The following L3MBTL1 variants were observed in gnomAD, a reference collection of about 807,000 sequenced individuals.
The protein encoded by L3MBTL1 is lethal(3)malignant brain tumor-like protein 1.
L3MBTL1 carries 75 observed loss-of-function variants against 105.3 expected under a neutral mutation model. That is an observed-to-expected ratio of 0.71 (90% CI 0.59 to 0.86). The LOEUF (loss-of-function observed/expected upper bound fraction) is 0.86. L3MBTL1 is among the 40% of genes least tolerant of loss of function. The pLI is 0.00. For synonymous variants in L3MBTL1, 452 were observed against 436.2 expected (o/e 1.04, Z -0.45); for missense variants, 1,069 against 1,126.4 (o/e 0.95, Z 0.73).
In L3MBTL1 at chr20:43,515,027, C is replaced by A. The variant is rs1479375736; in HGVS notation, c.521C>A (p.Pro174His). ...CCCGCAGAGGACCACCCCCAGAATC[C>A]TCCAGAAGATCCCAATCAGGACCCC... is the stretch of plus-strand genomic sequence containing the variant. ...PQQAEDHPQN[P>H]PEDPNQDPPE... The change falls in exon 5 of 22, where the codon CCT becomes CAT. Residue 174 changes from proline (P) to histidine (H), a missense_variant. Pro to His is a moderately conservative substitution (Grantham distance 77). Transcript: ENST00000418998. The A allele has an allele frequency of 6.2e-7, 1 of 1,614,010 alleles. No homozygotes were observed.
At chr20:43,528,778 T>C in intron 8 of L3MBTL1, 33 bp downstream of exon 8, 1 of 1,535,928 alleles carries the variant, frequency 6.5e-7, no homozygotes, top group Non-Finnish European at 9.0e-7. Flanking sequence ...AGGAACAGCT[T>C]GTCTTCCTAG....
chr20:43,541,962 G>A (rs2019937708), downstream of L3MBTL1: 1 of 959,930 alleles, frequency 1.0e-6, no homozygotes, highest in Non-Finnish European at 1.2e-6. Flanking sequence ...TGTAATCTCA[G>A]GACTTCGGGA....
intron 18 of L3MBTL1, among the ~76,000 whole-genome samples, chr20:43,547,884 C>A (rs1978724766): frequency 6.6e-6 from 1 of 152,208 alleles, no homozygotes; most frequent in African/African-American, 2.4e-5. Context: ...GGCTGTCTTT[C>A]TTTCCTTCTC....
chr20:43,530,206 T>C, intron 9 of L3MBTL1, 78 bp from the exon 10 acceptor site: 2 of 1,580,690 alleles, frequency 1.3e-6, no homozygotes, highest in Non-Finnish European at 1.7e-6. Flanking sequence ...ACCACCAGAC[T>C]GGGCCAGGAG....
chr20:43,529,847 G>C (rs1241858516), intron 9 of L3MBTL1, among the ~76,000 whole-genome samples: 2 of 152,216 alleles, frequency 1.3e-5, no homozygotes, highest in African/African-American at 4.8e-5. Flanking sequence ...GGCAGAAGGA[G>C]CAAAGTGGGC....
At chr20:43,532,172 T>C in intron 11 of L3MBTL1, 1 of 152,510 alleles carries the variant, frequency 6.6e-6, no homozygotes, top group Non-Finnish European at 1.5e-5. Flanking sequence ...AGGTGACAGG[T>C]GGGGTCCTGC....
intron 10 of L3MBTL1, 58 bp from the exon 11 acceptor site, chr20:43,530,740 C>T: frequency 6.7e-7 from 1 of 1,490,230 alleles, no homozygotes. Context: ...CTGTGGGGTG[C>T]CCTTGCTGTG....
At position 43,530,397 on chromosome 20, in the gene L3MBTL1, C is replaced by T. The variant is rs774694763; in HGVS notation, c.1170C>T (p.Gly390=). The T allele has an allele frequency of 6.2e-6, 10 of 1,614,010 alleles. No homozygotes were observed. In the African/African-American group the frequency reaches 1.1e-4, roughly 17 times the overall value. The change falls in exon 10 of 22, where the codon GGC becomes GGT. Residue 390 remains glycine (G), a synonymous_variant. Transcript: ENST00000418998. ...IHPAGWFEKT[G]HKLQPPKGYK... is the part of the protein sequence containing the mutation. ...CTGCTGGCTGGTTCGAGAAGACGGG[C>T]CACAAGCTGCAGCCTCCCAAAGGTA...
intron 18 of L3MBTL1, among the ~76,000 whole-genome samples, chr20:43,547,639 G>T (rs1393199489): frequency 6.6e-6 from 1 of 152,074 alleles, no homozygotes; most frequent in East Asian, 1.9e-4. Context: ...TAGTTCCTAG[G>T]TGATACTATG....
chr20:43,549,246 A>G (rs1474745276), exon 19 of L3MBTL1: 2 of 152,338 alleles, frequency 1.3e-5, no homozygotes, highest in African/African-American at 2.4e-5. Context: ...GGTATTGCCC[A>G]TGGGGTGATG....
At chr20:43,530,910 G>C in intron 11 of L3MBTL1, 21 bp downstream of exon 11, 1 of 1,591,506 alleles carries the variant, frequency 6.3e-7, no homozygotes, top group Non-Finnish European at 8.6e-7. Context: ...CTGAGTGAGA[G>C]TGGATGTCAC....
At chr20:43,547,890 T>A (rs1232278102) in intron 18 of L3MBTL1, among the ~76,000 whole-genome samples, 1 of 152,186 alleles carries the variant, frequency 6.6e-6, no homozygotes, top group Non-Finnish European at 1.5e-5. Flanking sequence ...CTTTCTTTCC[T>A]TCTCCGTCCC....
intron 18 of L3MBTL1, among the ~76,000 whole-genome samples, chr20:43,547,308 G>A (rs1167165480): frequency 6.6e-6 from 1 of 152,008 alleles, no homozygotes; most frequent in African/African-American, 2.4e-5. Context: ...GTTTCACTGT[G>A]TTAGCCAGGA....
intron 19 of L3MBTL1, 114 bp downstream of exon 19, chr20:43,536,572 C>T: frequency 7.9e-7 from 1 of 1,264,944 alleles, no homozygotes; most frequent in Non-Finnish European, 1.1e-6. Flanking sequence ...AGAAGGAGGG[C>T]TGTGCCTCTT....
At position 43,528,723 on chromosome 20, in the gene L3MBTL1, C is replaced by T. The variant is rs2019164544; in HGVS notation, c.929C>T (p.Ala310Val). 2 of 1,613,830 alleles carry T rather than the reference C, an allele frequency of 1.2e-6. No individual in the cohort carries two copies. Among genetic ancestry groups the T allele is most frequent in the Non-Finnish European group, 1.7e-6 (2 of 1,179,694 alleles). ...SYLEEQKAIT[A>V]PVSLFQDSQA... ...CTAGAGGAGCAGAAGGCCATTACTG[C>T]TCCAGTCAGCCTCTTCCAGGACGTG... The change falls in exon 8 of 22, where the codon GCT (alanine) becomes GTT (valine). Residue 310 changes from alanine to valine, a missense_variant. Ala to Val is a moderately conservative substitution (Grantham distance 64). Coordinates refer to ENST00000418998, the MANE Select transcript of L3MBTL1 (RefSeq NM_001377303.1).
intron 10 of L3MBTL1, 82 bp downstream of exon 10, chr20:43,530,501 G>A: frequency 6.7e-7 from 1 of 1,482,516 alleles, no homozygotes; most frequent in Admixed American, 2.1e-5. Flanking sequence ...CCGGCTTCCA[G>A]CTCTTTTGTT....
chr20:43,513,908 T>C lies in L3MBTL1; in HGVS notation c.207T>C (p.His69=). Residue 69 remains histidine (H), a synonymous_variant, in exon 3 of 22, where the codon CAT becomes CAC. Coordinates refer to ENST00000418998, the MANE Select transcript of L3MBTL1 (RefSeq NM_001377303.1). The stretch of plus-strand genomic sequence containing the variant: ...CTTGCTTTCCCCGGGAGCCAATCCA[T>C]GTGGGTGCCCCGGAGCAAGTGGCCG... ...DVSCFPREPI[H]VGAPEQVAGC... is the part of the protein sequence containing the mutation. The C allele has an allele frequency of 1.3e-6, 2 of 1,550,572 alleles. No individual in the cohort carries two copies. The highest frequency in any genetic ancestry group is 2.4e-5 in the East Asian group (1 of 40,916).
In L3MBTL1 at chr20:43,521,092, A is replaced by G. The variant is rs190922979; in HGVS notation, c.862+4915A>G. On this transcript the variant is annotated intron_variant, in intron 7 of 21. Coordinates refer to ENST00000418998, the MANE Select transcript of L3MBTL1 (RefSeq NM_001377303.1). ...GATCCCTATAAGGCACATGTTAAAC[A>G]TAAGTATCAGGCTCTTGGTTAAACT... 2.6e-5 allele frequency among the ~76,000 whole-genome samples: 4 copies of G among 152,354 alleles called. No individual in the cohort carries two copies. The East Asian group carries it at 5.8e-4, about 22-fold the overall frequency.
downstream of L3MBTL1, among the ~76,000 whole-genome samples, chr20:43,545,662 G>T (rs1978550028): frequency 6.6e-6 from 1 of 152,246 alleles, no homozygotes; most frequent in Non-Finnish European, 1.5e-5. Flanking sequence ...GACCTGAGAA[G>T]CCGCTTTTCA....
Sources: allele counts gnomAD v4.1 joint callset (sites outside exome capture counted in the v4.1 genomes callset), GRCh38; gene constraint gnomAD v4.1.1; transcripts MANE v1.5; gene names NCBI Gene and HGNC (gene_info 2026-07-23, HGNC 2026-07-21).